Variants in SEMA4D observed in about 807,000 individuals in gnomAD.
The protein encoded by SEMA4D is semaphorin 4D.
In SEMA4D, 22 loss-of-function variants were observed where a neutral mutation model predicts 74.8. The observed-to-expected ratio is 0.29, with a 90% CI of 0.21 to 0.42. The LOEUF (loss-of-function observed/expected upper bound fraction) is 0.42, where lower values mean the gene tolerates loss of function less well. Ranked by LOEUF, SEMA4D falls within the 10% of genes least tolerant of loss-of-function variation. The pLI is 1.00. For missense variants in SEMA4D, 937 were observed against 1,118.4 expected (o/e 0.84, Z 2.31); for synonymous variants, 445 against 463.7 (o/e 0.96, Z 0.52).
chr9:89,477,940 T>C (rs558234065), intron 1 of SEMA4D, among the ~76,000 whole-genome samples: 12 of 152,356 alleles, frequency 7.9e-5, no homozygotes, highest in Non-Finnish European at 1.3e-4. Flanking sequence ...GCACCTTTCC[T>C]GTTTCCCCTC....
At chr9:89,482,045 G>A (rs972757666) in intron 1 of SEMA4D, among the ~76,000 whole-genome samples, 1 of 152,226 alleles carries the variant, frequency 6.6e-6, no homozygotes, top group Non-Finnish European at 1.5e-5. Flanking sequence ...AGGGAGAGGG[G>A]TCACCGCCCA....
intron 2 of SEMA4D, among the ~76,000 whole-genome samples, chr9:89,436,051 G>A (rs545004214): frequency 1.6e-3 from 251 of 152,144 alleles, no homozygotes; most frequent in African/African-American, 5.7e-3. Context: ...CAGAATGACG[G>A]ACATCTCAGA....
intron 1 of SEMA4D, among the ~76,000 whole-genome samples, chr9:89,465,333 C>T (rs553314096): frequency 7.2e-5 from 11 of 152,230 alleles, no homozygotes; most frequent in Non-Finnish European, 1.5e-4. Flanking sequence ...TGGCTGCTAA[C>T]GGGTCACTTA....
intron 4 of SEMA4D, among the ~76,000 whole-genome samples, chr9:89,401,817 C>T (rs1000302570): frequency 6.6e-6 from 1 of 152,134 alleles, no homozygotes; most frequent in Non-Finnish European, 1.5e-5. Flanking sequence ...TGGTGATGGG[C>T]ACTTCCCCTT....
At chr9:89,471,545 C>G (rs1444247972) in intron 1 of SEMA4D, among the ~76,000 whole-genome samples, 3 of 152,248 alleles carry the variant, frequency 2.0e-5, no homozygotes, top group Non-Finnish European at 4.4e-5. Context: ...GTCAGATGTT[C>G]ACAATCTTTA....
At chr9:89,389,088 T>A (rs754974480) in intron 9 of SEMA4D, 41 bp from the exon 10 acceptor site, 2 of 1,608,638 alleles carry the variant, frequency 1.2e-6, no homozygotes, top group Non-Finnish European at 8.5e-7. Flanking sequence ...CGAGAGTGGA[T>A]CCCCTGTGAG....
At chr9:89,371,951 G>A in intron 16 of SEMA4D, among the ~76,000 whole-genome samples, 1 of 144,044 alleles carries the variant, frequency 6.9e-6, no homozygotes, top group Non-Finnish European at 1.5e-5. Flanking sequence ...GGTGTGTGTG[G>A]GGTGTGGTGT....
rs775948709 is a variant in SEMA4D at position 89,399,276 on chromosome 9, C to T, written c.315G>A (p.Gln105=). The T allele has an allele frequency of 6.2e-7, 1 of 1,612,408 alleles. No homozygotes were observed. Among genetic ancestry groups the T allele is most frequent in the South Asian group, 1.1e-5 (1 of 91,026 alleles). The change falls in exon 5 of 16, where the codon CAG becomes CAA. Residue 105 remains glutamine (Q), a splice_region_variant and synonymous_variant. Coordinates refer to ENST00000422704, the MANE Select transcript of SEMA4D (RefSeq NM_001371194.2). ...AKCAEKGKSK[Q]TECLNYIRVL... Reference sequence around the variant, plus strand: ...TTTGTAGCTTGCAAAAGAAATTTACCTGTTTTGATTTCCCCTTTTCTGCAC... The same window carrying T: ...TTTGTAGCTTGCAAAAGAAATTTACTTGTTTTGATTTCCCCTTTTCTGCAC...
chr9:89,412,977 C>T (rs1382391572), intron 2 of SEMA4D, among the ~76,000 whole-genome samples: 1 of 152,180 alleles, frequency 6.6e-6, no homozygotes, highest in African/African-American at 2.4e-5. Context: ...ATGGGTGTTA[C>T]ATTAAGGACC....
intron 3 of SEMA4D, 104 bp downstream of exon 3, chr9:89,405,247 A>T: frequency 1.1e-6 from 1 of 945,752 alleles, no homozygotes; most frequent in Non-Finnish European, 1.7e-6. Flanking sequence ...TCAGCATTCC[A>T]GGAAGTGGGG....
intron 1 of SEMA4D, among the ~76,000 whole-genome samples, chr9:89,485,498 C>T (rs1825108891): frequency 6.6e-6 from 1 of 152,068 alleles, no homozygotes; most frequent in African/African-American, 2.4e-5. Context: ...ATCTTTAAAA[C>T]ATTAACCGGG....
chr9:89,364,228 T>G, intron 16 of SEMA4D: 1 of 546,982 alleles, frequency 1.8e-6, no homozygotes, highest in Non-Finnish European at 3.2e-6. Context: ...ACCCCCTTTC[T>G]TGCAGCGCTG....
chr9:89,443,378 G>A (rs188272032), intron 2 of SEMA4D, among the ~76,000 whole-genome samples: 53 of 152,312 alleles, frequency 3.5e-4, no homozygotes, highest in Non-Finnish European at 5.0e-4. Flanking sequence ...ACCTTCCCAC[G>A]GGGCCTGGCT....
At chr9:89,462,098 T>C (rs1174860172) in intron 1 of SEMA4D, among the ~76,000 whole-genome samples, 1 of 152,186 alleles carries the variant, frequency 6.6e-6, no homozygotes, top group Non-Finnish European at 1.5e-5. Context: ...TGGTTTGGGT[T>C]AAGAAGGGAA....
At chr9:89,414,724 T>A (rs1168621369) in intron 2 of SEMA4D, among the ~76,000 whole-genome samples, 1 of 152,152 alleles carries the variant, frequency 6.6e-6, no homozygotes, top group African/African-American at 2.4e-5. Context: ...TTAAAATGGA[T>A]CCCTGGAGAC....
At chr9:89,402,285 G>A (rs990414062) in intron 4 of SEMA4D, among the ~76,000 whole-genome samples, 3 of 152,162 alleles carry the variant, frequency 2.0e-5, no homozygotes, top group African/African-American at 7.2e-5. Context: ...GAAGGAAACC[G>A]AGGCTGGCTC....
At chr9:89,383,597 G>A (rs543951481) in intron 13 of SEMA4D, among the ~76,000 whole-genome samples, 15 of 152,268 alleles carry the variant, frequency 9.9e-5, no homozygotes, top group African/African-American at 3.6e-4. Flanking sequence ...GGAGGTAGGA[G>A]GGTCCAGGGT....
chr9:89,462,568 T>C (rs959057001), intron 1 of SEMA4D, among the ~76,000 whole-genome samples: 1 of 152,132 alleles, frequency 6.6e-6, no homozygotes, highest in Non-Finnish European at 1.5e-5. Flanking sequence ...TGGAATGTTT[T>C]CAATTTGAAG....
At chr9:89,487,582 C>T (rs1825290294) in intron 1 of SEMA4D, among the ~76,000 whole-genome samples, 1 of 152,070 alleles carries the variant, frequency 6.6e-6, no homozygotes, top group Non-Finnish European at 1.5e-5. Flanking sequence ...TGGAAAGAAA[C>T]TGGTCTTTAT....
Sources: gnomAD v4.1 joint callset for allele counts (sites outside exome capture counted in the v4.1 genomes callset) on GRCh38, gnomAD v4.1.1 for gene constraint, MANE v1.5 for transcripts, NCBI Gene and HGNC (gene_info 2026-07-23, HGNC 2026-07-21) for gene names.